Variants in ALKBH6 observed in about 807,000 individuals in gnomAD.
ALKBH6 encodes probable RNA/DNA demethylase ALKBH6.
A neutral mutation model predicts 25.1 loss-of-function variants in ALKBH6; 20 were observed. The ratio of observed to expected loss-of-function variants is 0.80; its 90% confidence interval spans 0.56 to 1.16. ALKBH6 has a LOEUF of 1.16. ALKBH6 is among the 50% of genes most tolerant of loss of function. The probability of loss-of-function intolerance (pLI) is 0.00; values close to 1 mark genes in which losing one functional copy is unlikely to be tolerated. For missense variants in ALKBH6, 263 were observed against 326.5 expected, an observed-to-expected ratio of 0.81 and a Z score of 1.50; for synonymous variants, 156 against 147.5, an observed-to-expected ratio of 1.06 and a Z score of -0.42.
intron 1 of ALKBH6, 142 bp downstream of exon 1, chr19:36,014,033 T>TG: frequency 1.3e-6 from 2 of 1,502,288 alleles, no homozygotes; most frequent in Non-Finnish European, 1.8e-6. Flanking sequence ...CTTCCCTCCC[T>TG]GAACCATTCA....
Position 36,010,786 on chromosome 19 carries a change from G to C in ALKBH6, c.337-103C>G. The C allele has an allele frequency of 6.4e-7, 1 of 1,569,432 alleles. No individual in the cohort carries two copies. Among genetic ancestry groups the C allele is most frequent in the South Asian group, 1.1e-5 (1 of 89,966 alleles). ...GCCAGGGACAGGGAGGTGAATGCCT[G>C]TTTGGGAGATGTGGCTGCCTAATGA... On this transcript the variant is annotated intron_variant, in intron 5 of 6. Coordinates refer to ENST00000378875, the MANE Select transcript of ALKBH6 (RefSeq NM_032878.5). This position sits in a 1 kb window ranked among gnomAD's most constrained non-coding sequence, Gnocchi z 5.5.
chr19:36,010,980 C>T lies in ALKBH6; in HGVS notation c.250G>A (p.Asp84Asn), dbSNP rs756492251. The part of the protein sequence containing the change: ...RLPPWLQRYV[D>N]KVSNLSLFGG... ...AAGAGGCTGAGGTTTGACACTTTGT[C>T]CACGTAGCGCTGGAGCCATGGGGGC... is the stretch of plus-strand genomic sequence containing the variant. Residue 84 changes from aspartate to asparagine, a missense_variant, in exon 5 of 7, where the codon GAC becomes AAC. By Grantham distance (23) the Asp-to-Asn change is conservative. This residue lies in a region of ALKBH6 where 112 missense variants were observed against 153.0 expected (regional missense o/e 0.73). Coordinates refer to ENST00000378875, the MANE Select transcript of ALKBH6 (RefSeq NM_032878.5). The surrounding 1 kb of genome is among the most constrained non-coding windows in gnomAD (Gnocchi z 5.5). 1 of 1,613,906 alleles carries T rather than the reference C, an allele frequency of 6.2e-7. No homozygotes were observed. The highest frequency in any genetic ancestry group is 8.5e-7 in the Non-Finnish European group (1 of 1,179,920).
chr19:36,010,927 G>A lies in ALKBH6; in HGVS notation c.303C>T (p.Leu101=), dbSNP rs75849417. The A allele has an allele frequency of 1.9e-4, 314 of 1,614,032 alleles. 2 individuals are homozygous for A. The African/African-American group carries it at 3.7e-3, about 19-fold the overall frequency. The change falls in exon 5 of 7, where the codon CTC becomes CTT. Residue 101 remains leucine, a synonymous_variant. Coordinates refer to ENST00000378875, the MANE Select transcript of ALKBH6 (RefSeq NM_032878.5). The surrounding 1 kb of genome is among the most constrained non-coding windows in gnomAD (Gnocchi z 5.5). Reference sequence around the variant, plus strand: ...CCTCCCCAGGCAGATACTGGTTCACGAGGACATGGTTAGCTGGGAGGCCTC... The same window carrying A: ...CCTCCCCAGGCAGATACTGGTTCACAAGGACATGGTTAGCTGGGAGGCCTC... ...LFGGLPANHV[L]VNQYLPGEGI... is the part of the protein sequence containing the mutation.
chr19:36,012,222 C>G (rs996106454), intron 3 of ALKBH6: 1 of 152,192 alleles, frequency 6.6e-6, no homozygotes, highest in Non-Finnish European at 1.5e-5. Context: ...GTTCTGCAAC[C>G]GACTTGTTCC....
Position 36,010,320 on chromosome 19 carries a change from T to G in ALKBH6, c.453+247A>C. 3 of 494,892 alleles carry G rather than the reference T, an allele frequency of 6.1e-6. No individual in the cohort carries two copies. Among genetic ancestry groups the G allele is most frequent in the Non-Finnish European group, 1.1e-5 (3 of 273,960 alleles). The allele number at this position is 494,892 out of a possible 1,614,324, so 30.7% of individuals were successfully genotyped here. A position where few individuals can be genotyped will look rare whatever the true frequency, so the allele number is the denominator to read the frequency against. ...AAGGATATCAGTGTCTGCTGGGGAG[T>G]CAGGGGTATCCATTCAGCAGGTTGG... On this transcript the variant is annotated intron_variant, in intron 6 of 6. Coordinates refer to ENST00000378875, the MANE Select transcript of ALKBH6 (RefSeq NM_032878.5). The surrounding 1 kb of genome is among the most constrained non-coding windows in gnomAD (Gnocchi z 5.5).
In ALKBH6 at chr19:36,013,713, C is replaced by G. The variant is rs533441803; in HGVS notation, c.-25-291G>C. 104 of 1,273,600 alleles carry G rather than the reference C, an allele frequency of 8.2e-5. No homozygotes were observed. The highest frequency in any genetic ancestry group is 9.3e-5 in the Non-Finnish European group (94 of 1,005,892). 78.9% of individuals were successfully genotyped at this position (1,273,600 alleles called of 1,614,324 possible). On this transcript the variant is annotated intron_variant, in intron 1 of 6. Coordinates refer to ENST00000378875, the MANE Select transcript of ALKBH6 (RefSeq NM_032878.5). The surrounding 1 kb of genome is among the most constrained non-coding windows in gnomAD (Gnocchi z 4.6). ...CCACAGAGAACATTCTCTGGCCCCA[C>G]ACACAGGGAGCCTTTCTCAAAAGCT...
chr19:36,009,579 G>A, intron 6 of ALKBH6, 26 bp from the exon 7 acceptor site: 1 of 1,236,794 alleles, frequency 8.1e-7, no homozygotes, highest in Non-Finnish European at 1.0e-6. Context: ...AGGGTCAGCA[G>A]GGCTCAAGAA....
Position 36,014,151 on chromosome 19 carries a change from C to A in ALKBH6, c.-26+24G>T, listed in dbSNP as rs374100269. 3.2e-5 allele frequency: 51 copies of A among 1,611,362 alleles called. No individual in the cohort carries two copies. In the African/African-American group the frequency reaches 4.3e-4, roughly 14 times the overall value. ...TCAGCCCTATTGACATCCATCTCTA[C>A]CCCCAGCACTCCCCAAAACTGACCG... On this transcript the variant is annotated intron_variant, in intron 1 of 6. Coordinates refer to ENST00000378875, the MANE Select transcript of ALKBH6 (RefSeq NM_032878.5).
intron 6 of ALKBH6, 31 bp from the exon 7 acceptor site, chr19:36,009,584 CAAG>C: frequency 1.7e-6 from 1 of 587,646 alleles, no homozygotes; most frequent in Non-Finnish European, 2.1e-6. Context: ...CAGCAGGGCT[CAAG>C]AAGTCGGGGG....
intron 6 of ALKBH6, 113 bp from the exon 7 acceptor site, chr19:36,009,666 A>G (rs1968534285): frequency 1.4e-6 from 1 of 736,798 alleles, no homozygotes; most frequent in Admixed American, 4.3e-5. Flanking sequence ...GCTGAAGAGC[A>G]AGTGTGCTCA....
chr19:36,010,752 G>C lies in ALKBH6; in HGVS notation c.337-69C>G. ...CCCCCACCCTCTGGGTCAAAGGGGG[G>C]CTTCCCAAGCCAGGGACAGGGAGGT... On this transcript the variant is annotated intron_variant, in intron 5 of 6. Transcript: ENST00000378875. This position sits in a 1 kb window ranked among gnomAD's most constrained non-coding sequence, Gnocchi z 5.5. 8 of 1,570,930 alleles carry C rather than the reference G, an allele frequency of 5.1e-6. No homozygotes were observed. In the South Asian group the frequency reaches 8.9e-5, roughly 17 times the overall value.
At position 36,013,238 on chromosome 19, in the gene ALKBH6, TG is replaced by T; in HGVS notation, c.54+105del. On this transcript the variant is annotated intron_variant, in intron 2 of 6. Coordinates refer to ENST00000378875, the MANE Select transcript of ALKBH6 (RefSeq NM_032878.5). The surrounding 1 kb of genome is among the most constrained non-coding windows in gnomAD (Gnocchi z 4.6). Reference sequence around the variant, plus strand: ...TCAAGGGACCAGTGCCATTCCAGAATGGACTCTGACAGTAAGAATGAATTTG... The same window carrying T: ...TCAAGGGACCAGTGCCATTCCAGAATGACTCTGACAGTAAGAATGAATTTG... 6.6e-7 allele frequency: 1 copy of T among 1,505,248 alleles called. No individual in the cohort carries two copies. Among genetic ancestry groups the T allele is most frequent in the Non-Finnish European group, 9.2e-7 (1 of 1,085,664 alleles). The allele number at this position is 1,505,248 out of a possible 1,614,324, so 93.2% of individuals were successfully genotyped here.
In ALKBH6 at chr19:36,013,212, G is replaced by A. The variant is rs1968665633; in HGVS notation, c.55-123C>T. On this transcript the variant is annotated intron_variant, in intron 2 of 6. Coordinates refer to ENST00000378875, the MANE Select transcript of ALKBH6 (RefSeq NM_032878.5). This position sits in a 1 kb window ranked among gnomAD's most constrained non-coding sequence, Gnocchi z 4.6. ...GTCCTCAGACAGGTCAGGGTCTAAA[G>A]TCAAGGGACCAGTGCCATTCCAGAA... is the stretch of plus-strand genomic sequence containing the variant. 6.9e-7 allele frequency: 1 copy of A among 1,457,108 alleles called. No individual in the cohort carries two copies. The highest frequency in any genetic ancestry group is 1.2e-5 in the South Asian group (1 of 85,610). 90.3% of individuals were successfully genotyped at this position (1,457,108 alleles called of 1,614,324 possible).
rs889053171 is a variant in ALKBH6, at chr19:36,013,923, C to T, written c.-26+252G>A. The T allele has an allele frequency of 3.9e-5, 54 of 1,369,666 alleles. No homozygotes were observed. Among genetic ancestry groups the T allele is most frequent in the Middle Eastern group, 2.6e-4 (1 of 3,854 alleles). The allele number at this position is 1,369,666 out of a possible 1,614,324, so 84.8% of individuals were successfully genotyped here. On this transcript the variant is annotated intron_variant, in intron 1 of 6. Transcript: ENST00000378875. This position sits in a 1 kb window ranked among gnomAD's most constrained non-coding sequence, Gnocchi z 4.6. Reference sequence around the variant, plus strand: ...CAGACATGTCCACCCTCAGCCTCCTCGGATCCCCCCATTTGGACGCCCCTC... The same window carrying T: ...CAGACATGTCCACCCTCAGCCTCCTTGGATCCCCCCATTTGGACGCCCCTC...
Position 36,011,013 on chromosome 19 carries a change from C to A in ALKBH6, c.217G>T (p.Glu73Ter). 1 of 1,612,630 alleles carries A rather than the reference C, an allele frequency of 6.2e-7. No homozygotes were observed. The highest frequency in any genetic ancestry group is 2.2e-5 in the East Asian group (1 of 44,798). Residue 73 changes from glutamate (E) to a stop codon, truncating the protein, a stop_gained, in exon 5 of 7, where the codon GAG (glutamate) becomes TAG (stop). Coordinates refer to ENST00000378875, the MANE Select transcript of ALKBH6 (RefSeq NM_032878.5). LOFTEE classifies it high-confidence loss of function. ...CGCTGGAGCCATGGGGGCAGCCGCT[C>A]AGGAACCATCCCTCGGGGATGAGGA... ...GLPHPRGMVP[E>*]RLPPWLQRYV... is the part of the protein sequence containing the mutation.
chr19:36,013,261 T>C lies in ALKBH6; in HGVS notation c.54+83A>G, dbSNP rs746064524. On this transcript the variant is annotated intron_variant, in intron 2 of 6. Transcript: ENST00000378875. This position sits in a 1 kb window ranked among gnomAD's most constrained non-coding sequence, Gnocchi z 4.6. The stretch of plus-strand genomic sequence containing the variant: ...AATGGACTCTGACAGTAAGAATGAA[T>C]TTGGTGGAAGGGGGCAGTCCCAACC... 7 of 1,558,906 alleles carry C rather than the reference T, an allele frequency of 4.5e-6. No homozygotes were observed. Among genetic ancestry groups the C allele is most frequent in the Non-Finnish European group, 6.2e-6 (7 of 1,132,146 alleles).
chr19:36,014,229 G>A (rs773703929), upstream of ALKBH6: 1 of 1,611,140 alleles, frequency 6.2e-7, no homozygotes, highest in Admixed American at 1.7e-5. Flanking sequence ...CCCCCTCCCA[G>A]CCATTTCCGC....
rs1208942975 is a variant in ALKBH6, at chr19:36,011,469, G to A, written c.124-5C>T. ...TGGCTTTGGGGCATTAAAAACCTAA[G>A]AGGTGGGAAGGGGGTCACTCCTTTC... On this transcript the variant is annotated splice_region_variant and splice_polypyrimidine_tract_variant and intron_variant, in intron 3 of 6. Coordinates refer to ENST00000378875, the MANE Select transcript of ALKBH6 (RefSeq NM_032878.5). 1.9e-6 allele frequency: 3 copies of A among 1,613,712 alleles called. No homozygotes were observed. Among genetic ancestry groups the A allele is most frequent in the Non-Finnish European group, 2.5e-6 (3 of 1,179,966 alleles).
chr19:36,010,272 G>A lies in ALKBH6; in HGVS notation c.453+295C>T, dbSNP rs1047162076. The A allele has an allele frequency of 1.7e-5, 6 of 362,458 alleles. No homozygotes were observed. Among genetic ancestry groups the A allele is most frequent in the Admixed American group, 1.3e-4 (3 of 22,966 alleles). The allele number at this position is 362,458 out of a possible 1,614,324, so 22.5% of individuals were successfully genotyped here. On this transcript the variant is annotated intron_variant, in intron 6 of 6. Coordinates refer to ENST00000378875, the MANE Select transcript of ALKBH6 (RefSeq NM_032878.5). The surrounding 1 kb of genome is among the most constrained non-coding windows in gnomAD (Gnocchi z 5.5). ...CATCTGGGAGGAGGTGAGGCCCCCC[G>A]AGTTAATGGCGGTGGGGTATCTAAG...
Sources: allele counts gnomAD v4.1 joint callset, GRCh38; gene constraint gnomAD v4.1.1; regional missense constraint gnomAD v4.1.1; non-coding constraint Gnocchi (gnomAD v3.1); transcripts MANE v1.5; gene names NCBI Gene and HGNC (gene_info 2026-07-23, HGNC 2026-07-21).